IL31RA: variants seen among roughly 807,000 people sequenced by gnomAD.
The protein encoded by IL31RA is interleukin 31 receptor A.
Under a neutral mutation model 83.7 loss-of-function variants are expected in IL31RA, and 66 were observed. The observed-to-expected ratio is 0.79, with a 90% confidence interval of 0.65 to 0.97. The LOEUF (loss-of-function observed/expected upper bound fraction) is 0.97. IL31RA is among the 50% of genes least tolerant of loss of function. The probability of loss-of-function intolerance (pLI) is 0.00; values close to 1 mark genes in which losing one functional copy is unlikely to be tolerated. For missense variants in IL31RA, 798 were observed against 919.4 expected (o/e 0.87, Z 1.71); for synonymous variants, 325 against 329.0 (o/e 0.99, Z 0.13).
chr5:55,905,411 C>T (rs1174596554), intron 8 of IL31RA, among the ~76,000 whole-genome samples: 1 of 152,136 alleles, frequency 6.6e-6, no homozygotes, highest in African/African-American at 2.4e-5. Context: ...CGAATATTTT[C>T]AGTAAGATCT....
At position 55,896,145 on chromosome 5, in the gene IL31RA, A is replaced by AT. The variant is rs918387573; in HGVS notation, c.773-198dup. ...AATCATCAGACTCAAGAGCAGTTTT[A>AT]TTTTTTTATCTTTGGTTGATTCCAG... On this transcript the variant is annotated intron_variant, in intron 6 of 14. Transcript: ENST00000652347. 1.2e-3 allele frequency among the ~76,000 whole-genome samples: 189 copies of AT among 152,036 alleles called. 2 individuals are homozygous for AT. The highest frequency in any genetic ancestry group is 2.1e-3 in the Non-Finnish European group (144 of 67,986).
Position 55,903,195 on chromosome 5 carries a change from C to T in IL31RA, c.1070-2911C>T, listed in dbSNP as rs529280987. On this transcript the variant is annotated intron_variant, in intron 8 of 14. Coordinates refer to ENST00000652347, the MANE Select transcript of IL31RA (RefSeq NM_139017.7). The surrounding 1 kb of genome is among the most constrained non-coding windows in gnomAD (Gnocchi z 4.7). Reference sequence around the variant, plus strand: ...GTCCCAGGCAGGGCATCGGAAAGCCCGGCCACTGTGTCATAAGGCCAGAGG... The same window carrying T: ...GTCCCAGGCAGGGCATCGGAAAGCCTGGCCACTGTGTCATAAGGCCAGAGG... Among the ~76,000 whole-genome samples, 5 of 152,294 alleles carry T rather than the reference C, an allele frequency of 3.3e-5. No individual in the cohort carries two copies. The highest frequency in any genetic ancestry group is 4.1e-4 in the South Asian group (2 of 4,822).
chr5:55,906,041 G>A, intron 8 of IL31RA, 65 bp from the exon 9 acceptor site: 1 of 1,513,260 alleles, frequency 6.6e-7, no homozygotes, highest in Non-Finnish European at 9.2e-7. Context: ...GAGGATGCCA[G>A]TGTGGTTGTT....
At chr5:55,862,269 C>G (rs1334269587) in intron 2 of IL31RA, among the ~76,000 whole-genome samples, 1 of 152,146 alleles carries the variant, frequency 6.6e-6, no homozygotes. Flanking sequence ...TCCAGTTTAT[C>G]CATTGTTACT....
chr5:55,841,122 C>G, the IL31RA span, among the ~76,000 whole-genome samples: 1 of 152,160 alleles, frequency 6.6e-6, no homozygotes, highest in Admixed American at 6.5e-5. Flanking sequence ...GTCTCTGGAC[C>G]ATTTGACACT....
At chr5:55,912,848 G>A (rs926435532) in intron 12 of IL31RA, among the ~76,000 whole-genome samples, 10 of 151,918 alleles carry the variant, frequency 6.6e-5, no homozygotes, top group African/African-American at 2.4e-4. Flanking sequence ...GCACCTGTAA[G>A]TCCTAGGTAC....
chr5:55,922,595 C>A lies in IL31RA; in HGVS notation c.*5475C>A, dbSNP rs1044308528. 2.2e-5 allele frequency: 13 copies of A among 600,740 alleles called. No homozygotes were observed. The Admixed American group carries it at 3.5e-4, about 16-fold the overall frequency. 37.2% of individuals were successfully genotyped at this position (600,740 alleles called of 1,614,324 possible). On this transcript the variant is annotated 3_prime_UTR_variant, in exon 15 of 15. Transcript: ENST00000652347. ...CACATGGACCACCTACGGATGCAATCTGTAATGCATGTGCATGAGAAGTCT... is the reference window on the plus strand; with the variant it reads ...CACATGGACCACCTACGGATGCAATATGTAATGCATGTGCATGAGAAGTCT...
chr5:55,847,352 T>G (rs1379079786), upstream of IL31RA, among the ~76,000 whole-genome samples: 3 of 152,094 alleles, frequency 2.0e-5, no homozygotes, highest in African/African-American at 7.2e-5. Context: ...CCCAGCACTT[T>G]GGGAAGCCAA....
At chr5:55,891,329 T>A (rs1051090589) in intron 6 of IL31RA, among the ~76,000 whole-genome samples, 1 of 152,344 alleles carries the variant, frequency 6.6e-6, no homozygotes, top group Non-Finnish European at 1.5e-5. Context: ...TTTCTATTGC[T>A]GCTGTAACAA....
chr5:55,897,296 T>C (rs1748463797), intron 7 of IL31RA, among the ~76,000 whole-genome samples: 1 of 151,628 alleles, frequency 6.6e-6, no homozygotes, highest in South Asian at 2.1e-4. Context: ...AAAAGCCCTA[T>C]AGGTCATCTT....
intron 6 of IL31RA, among the ~76,000 whole-genome samples, chr5:55,890,394 G>A (rs796670965): frequency 1.2e-4 from 19 of 152,294 alleles, no homozygotes; most frequent in African/African-American, 4.3e-4. Context: ...TTTTGAGATG[G>A]AGTCTTACTC....
chr5:55,867,181 ATGTGTGTTTGTG>A (rs1202526183), intron 2 of IL31RA, among the ~76,000 whole-genome samples: 7 of 45,880 alleles, frequency 1.5e-4, no homozygotes, highest in East Asian at 9.8e-4. Flanking sequence ...GTGTGTGTGC[ATGTGTGTTTGTG>A]TGTGTTTGTG....
At chr5:55,861,431 A>G (rs1431290885) in intron 2 of IL31RA, among the ~76,000 whole-genome samples, 1 of 152,216 alleles carries the variant, frequency 6.6e-6, no homozygotes, top group African/African-American at 2.4e-5. Context: ...GGGAGCACGA[A>G]CCCTATTGTG....
Position 55,917,250 on chromosome 5 carries a change from C to G in IL31RA, c.*130C>G. ...GCCTAGGTTAAAGTTTCCCCTGCCC[C>G]TTGAGCTGCCAGTTGAACTTGGTCG... On this transcript the variant is annotated 3_prime_UTR_variant, in exon 15 of 15. Coordinates refer to ENST00000652347, the MANE Select transcript of IL31RA (RefSeq NM_139017.7). 1.9e-6 allele frequency: 3 copies of G among 1,580,198 alleles called. No homozygotes were observed. The highest frequency in any genetic ancestry group is 1.7e-6 in the Non-Finnish European group (2 of 1,169,904).
chr5:55,876,345 G>A (rs1271663474), intron 4 of IL31RA, among the ~76,000 whole-genome samples: 1 of 152,192 alleles, frequency 6.6e-6, no homozygotes, highest in East Asian at 1.9e-4. Context: ...AGCAGAGGTT[G>A]CAGTGAGCCG....
At chr5:55,848,157 G>A (rs1161824101), upstream of IL31RA, among the ~76,000 whole-genome samples, 1 of 152,212 alleles carries the variant, frequency 6.6e-6, no homozygotes, top group Admixed American at 6.5e-5. Flanking sequence ...CTTTGGAAGT[G>A]AGTCATCAAG....
chr5:55,883,022 G>A (rs1465750344), intron 4 of IL31RA, 22 bp from the exon 5 acceptor site: 3 of 1,612,288 alleles, frequency 1.9e-6, no homozygotes, highest in Non-Finnish European at 2.5e-6. Flanking sequence ...AGATATGAGA[G>A]TTGTATGATT....
chr5:55,851,728 C>T (rs1745083093), intron 1 of IL31RA, 95 bp downstream of exon 1: 2 of 1,610,642 alleles, frequency 1.2e-6, no homozygotes, highest in African/African-American at 1.3e-5. Flanking sequence ...ATTTTACCTA[C>T]CTAGTGTCTC....
intron 7 of IL31RA, 64 bp downstream of exon 7, chr5:55,896,493 C>A (rs1716416677): frequency 3.1e-6 from 3 of 968,992 alleles, no homozygotes; most frequent in African/African-American, 1.8e-5. Context: ...CCTCCCTTCC[C>A]TCCCTTCCCT....
Sources: allele counts gnomAD v4.1 joint callset (sites outside exome capture counted in the v4.1 genomes callset), GRCh38; gene constraint gnomAD v4.1.1; non-coding constraint Gnocchi (gnomAD v3.1); transcripts MANE v1.5; gene names NCBI Gene and HGNC (gene_info 2026-07-23, HGNC 2026-07-21).